Variants in MEIKIN observed in about 807,000 individuals in gnomAD.
MEIKIN encodes meiotic kinetochore factor.
intron 11 of MEIKIN, among the ~76,000 whole-genome samples, chr5:131,842,848 A>G (rs1749939611): frequency 1.3e-5 from 2 of 152,166 alleles, no homozygotes; most frequent in African/African-American, 4.8e-5. Context: ...TTAACAAATG[A>G]TGGTAGCTCC....
rs569053477 is a variant in MEIKIN at position 131,902,631 on chromosome 5, T to C, written c.703+9184A>G. On this transcript the variant is annotated intron_variant, in intron 8 of 12. Transcript: ENST00000442687. ...TAACCCGGTCTCAGATATTTCTTTA[T>C]AGTAATGCAAAAATGAATAATACAG... Among the ~76,000 whole-genome samples the C allele has an allele frequency of 1.6e-4, 24 of 152,236 alleles. No individual in the cohort carries two copies. In the East Asian group the frequency reaches 1.7e-3, roughly 11 times the overall value.
chr5:131,852,084 G>A (rs1750124125), intron 10 of MEIKIN, among the ~76,000 whole-genome samples: 1 of 152,140 alleles, frequency 6.6e-6, no homozygotes, highest in African/African-American at 2.4e-5. Flanking sequence ...TATGGTATAT[G>A]TATATAATGG....
chr5:131,864,721 G>A (rs1750354255), intron 9 of MEIKIN, among the ~76,000 whole-genome samples: 1 of 152,154 alleles, frequency 6.6e-6, no homozygotes, highest in Non-Finnish European at 1.5e-5. Context: ...GTATCTGTCT[G>A]GGAAATCACT....
chr5:131,821,630 CTTTTTTTTTT>C lies in MEIKIN; in HGVS notation c.976-2777_976-2768del, dbSNP rs375765946. On this transcript the variant is annotated intron_variant, in intron 11 of 12. Transcript: ENST00000442687. The stretch of plus-strand genomic sequence containing the variant: ...TAGCTATTGTTATATTGAGGTCTGC[CTTTTTTTTTT>C]TTTTTTTTTTTTTTTTGCGAGACAA... 1.2e-4 allele frequency among the ~76,000 whole-genome samples: 6 copies of C among 50,444 alleles called. No homozygotes were observed. In the East Asian group the frequency reaches 1.5e-3, roughly 13 times the overall value. 33.1% of individuals were successfully genotyped at this position (50,444 alleles called of 152,430 possible).
intron 8 of MEIKIN, among the ~76,000 whole-genome samples, chr5:131,892,434 A>G (rs1467896950): frequency 6.6e-6 from 1 of 151,966 alleles, no homozygotes; most frequent in African/African-American, 2.4e-5. Flanking sequence ...TTTTTTCTCT[A>G]AAATTCTCTT....
At chr5:131,918,997 T>C (rs1190612383) in intron 6 of MEIKIN, among the ~76,000 whole-genome samples, 1 of 152,120 alleles carries the variant, frequency 6.6e-6, no homozygotes, top group Admixed American at 6.5e-5. Context: ...TAAAAAATTT[T>C]TGCATGACAA....
chr5:131,941,785 T>C (rs1319716442), intron 4 of MEIKIN, among the ~76,000 whole-genome samples: 1 of 152,240 alleles, frequency 6.6e-6, no homozygotes, highest in Admixed American at 6.5e-5. Context: ...TAGTCTTTTC[T>C]TCAAACCAGT....
intron 4 of MEIKIN, among the ~76,000 whole-genome samples, chr5:131,941,882 C>T (rs973046641): frequency 1.3e-5 from 2 of 152,200 alleles, no homozygotes; most frequent in Admixed American, 6.5e-5. Flanking sequence ...CTCCTTCACT[C>T]TTCATTTGCC....
chr5:131,906,269 C>T (rs974532041), intron 8 of MEIKIN, among the ~76,000 whole-genome samples: 6 of 152,130 alleles, frequency 3.9e-5, no homozygotes, highest in African/African-American at 1.4e-4. Flanking sequence ...TGCAAAAATG[C>T]TCAACATCAC....
intron 11 of MEIKIN, among the ~76,000 whole-genome samples, chr5:131,842,109 G>C (rs1289502698): frequency 1.3e-5 from 2 of 151,906 alleles, no homozygotes; most frequent in Middle Eastern, 3.2e-3. Context: ...AGGGACTACA[G>C]GTGCATGCCA....
chr5:131,900,391 A>T (rs184174931), intron 8 of MEIKIN, among the ~76,000 whole-genome samples: 1 of 152,164 alleles, frequency 6.6e-6, no homozygotes, highest in Admixed American at 6.5e-5. Context: ...CCTGGCCCCA[A>T]TGACTCCTGG....
chr5:131,839,783 G>T (rs1749871892), intron 11 of MEIKIN, among the ~76,000 whole-genome samples: 1 of 152,100 alleles, frequency 6.6e-6, no homozygotes, highest in Admixed American at 6.6e-5. Context: ...GCATACTGTT[G>T]GGTCTTGCTT....
intron 8 of MEIKIN, among the ~76,000 whole-genome samples, chr5:131,894,565 T>C (rs1353016664): frequency 6.6e-6 from 1 of 152,172 alleles, no homozygotes. Flanking sequence ...TGTGTCTTCT[T>C]TTATTTTGTT....
intron 5 of MEIKIN, among the ~76,000 whole-genome samples, chr5:131,926,888 T>C (rs1751595887): frequency 6.6e-6 from 1 of 152,202 alleles, no homozygotes; most frequent in African/African-American, 2.4e-5. Context: ...CTTTGAATTT[T>C]ATTGAGTCTT....
chr5:131,844,171 C>T (rs1412784092), intron 11 of MEIKIN, among the ~76,000 whole-genome samples: 2 of 152,104 alleles, frequency 1.3e-5, no homozygotes, highest in Non-Finnish European at 2.9e-5. Flanking sequence ...AAACTGCCCC[C>T]ATGATTCAAT....
At chr5:131,863,597 TAA>T (rs1342841515) in intron 9 of MEIKIN, among the ~76,000 whole-genome samples, 3 of 115,796 alleles carry the variant, frequency 2.6e-5, no homozygotes, top group African/African-American at 8.9e-5. Context: ...GTTTTTGACT[TAA>T]AGTCTGTTTT....
At chr5:131,893,185 A>G (rs1750964908) in intron 8 of MEIKIN, among the ~76,000 whole-genome samples, 1 of 152,232 alleles carries the variant, frequency 6.6e-6, no homozygotes, top group South Asian at 2.1e-4. Flanking sequence ...CCCTGTCCCC[A>G]GAGGTGGAGC....
intron 9 of MEIKIN, among the ~76,000 whole-genome samples, chr5:131,856,909 C>T (rs1750203028): frequency 6.6e-6 from 1 of 151,348 alleles, no homozygotes; most frequent in African/African-American, 2.4e-5. Flanking sequence ...GGCAGCAGAA[C>T]TAAACTGTTC....
intron 8 of MEIKIN, among the ~76,000 whole-genome samples, chr5:131,903,918 C>A (rs1436952412): frequency 6.6e-6 from 1 of 150,954 alleles, no homozygotes; most frequent in Non-Finnish European, 1.5e-5. Flanking sequence ...GACACTCACA[C>A]ACTCAAAGTA....
Sources: gnomAD v4.1 joint callset for allele counts (sites outside exome capture counted in the v4.1 genomes callset) on GRCh38, gnomAD v4.1.1 for gene constraint, MANE v1.5 for transcripts, NCBI Gene and HGNC (gene_info 2026-07-23, HGNC 2026-07-21) for gene names.